GKN1: variants seen among roughly 807,000 people sequenced by gnomAD.
GKN1 encodes the protein gastrokine-1.
Under a neutral mutation model 19.7 loss-of-function variants are expected in GKN1, and 17 were observed. The ratio of observed to expected loss-of-function variants is 0.86; its 90% confidence interval spans 0.59 to 1.29. GKN1 has a LOEUF of 1.29. GKN1 is among the 50% of genes most tolerant of loss of function. GKN1 has a pLI of 0.00. For missense variants in GKN1, 218 were observed against 224.5 expected (o/e 0.97, Z 0.19); for synonymous variants, 96 against 78.3 (o/e 1.23, Z -1.20).
At chr2:68,975,488 G>C (rs1670245698) in intron 1 of GKN1, among the ~76,000 whole-genome samples, 1 of 152,066 alleles carries the variant, frequency 6.6e-6, no homozygotes, top group African/African-American at 2.4e-5. Context: ...GTAGTGCCGG[G>C]TTTCTCACAA....
intron 1 of GKN1, among the ~76,000 whole-genome samples, chr2:68,975,353 A>T (rs1670242234): frequency 6.6e-6 from 1 of 152,188 alleles, no homozygotes; most frequent in Non-Finnish European, 1.5e-5. Flanking sequence ...CTTGGGCTCT[A>T]GCATGGCCAT....
chr2:68,974,661 G>A lies in GKN1; in HGVS notation c.-17G>A, dbSNP rs777093189. ...ATGCTTGCCTACTCCTCTGTCCACT[G>A]CTTTCGTGAAGACAAGATGAAGTTC... is the stretch of plus-strand genomic sequence containing the variant. On this transcript the variant is annotated 5_prime_UTR_variant, in exon 1 of 6. Coordinates refer to ENST00000377938, the MANE Select transcript of GKN1 (RefSeq NM_019617.4). The A allele has an allele frequency of 3.6e-5, 57 of 1,605,230 alleles. 1 individual carries two copies. The highest frequency in any genetic ancestry group is 4.6e-5 in the Non-Finnish European group (54 of 1,172,050).
intron 1 of GKN1, 40 bp downstream of exon 1, chr2:68,974,729 T>A: frequency 8.3e-7 from 1 of 1,209,468 alleles, no homozygotes; most frequent in Non-Finnish European, 1.2e-6. Flanking sequence ...ACCAAATGAT[T>A]GGAGACTGTC....
rs773400726 is a variant in GKN1 at position 68,978,271 on chromosome 2, G to GGAAAGAAA, written c.204+516_204+523dup. 1.3e-3 allele frequency among the ~76,000 whole-genome samples: 115 copies of GGAAAGAAA among 87,266 alleles called. 5 individuals are homozygous for GGAAAGAAA. The highest frequency in any genetic ancestry group is 6.4e-3 in the East Asian group (15 of 2,328). The allele number at this position is 87,266 out of a possible 152,430, so 57.2% of individuals were successfully genotyped here. A position where few individuals can be genotyped will look rare whatever the true frequency, so the allele number is the denominator to read the frequency against. On this transcript the variant is annotated intron_variant, in intron 3 of 5. Transcript: ENST00000377938. ...AGGAAAGAAAGAAAGAAGGAAGGAA[G>GGAAAGAAA]GAAAGAAAGAAAGAAAGAAAGAAAG...
rs113178059 is a variant in GKN1, at chr2:68,980,856, T to C, written c.*33T>C. On this transcript the variant is annotated 3_prime_UTR_variant, in exon 6 of 6. Transcript: ENST00000377938. ...TTTAAAGCCACTATGGATTTAGTCA[T>C]CTGAATATGCTGTGCAGAAAAAATA... 4 of 1,029,770 alleles carry C rather than the reference T, an allele frequency of 3.9e-6. No individual in the cohort carries two copies. The South Asian group carries it at 5.1e-5, about 13-fold the overall frequency. The allele number at this position is 1,029,770 out of a possible 1,614,324, so 63.8% of individuals were successfully genotyped here.
rs1558715333 is a variant in GKN1 at position 68,978,302 on chromosome 2, G to GAAAGAAAGAAAGAAA, written c.204+539_204+540insGAAAAAAGAAAGAAA. 1.5e-3 allele frequency among the ~76,000 whole-genome samples: 181 copies of GAAAGAAAGAAAGAAA among 116,952 alleles called. 5 individuals carry two copies. The highest frequency in any genetic ancestry group is 4.9e-3 in the African/African-American group (113 of 23,070). The allele number at this position is 116,952 out of a possible 152,430, so 76.7% of individuals were successfully genotyped here. A position where few individuals can be genotyped will look rare whatever the true frequency, so the allele number is the denominator to read the frequency against. Reference sequence around the variant, plus strand: ...AAAGAAAGAAAGAAAGAAAGAGAGAGAAAGAAAGAAAAAGAAAAAAGAGAG... The same window carrying GAAAGAAAGAAAGAAA: ...AAAGAAAGAAAGAAAGAAAGAGAGAGAAAGAAAGAAAGAAAAAAGAAAGAAAAAGAAAAAAGAGAG... On this transcript the variant is annotated intron_variant, in intron 3 of 5. Transcript: ENST00000377938.
rs1230338882 is a variant in GKN1, at chr2:68,979,910, C to T, written c.316-3C>T. The T allele has an allele frequency of 6.2e-7, 1 of 1,612,802 alleles. No homozygotes were observed. The highest frequency in any genetic ancestry group is 1.3e-5 in the African/African-American group (1 of 75,010). On this transcript the variant is annotated splice_region_variant and splice_polypyrimidine_tract_variant and intron_variant, in intron 4 of 5. Transcript: ENST00000377938. The stretch of plus-strand genomic sequence containing the variant: ...CCTTTCTACCTCTCTTTTCCACACT[C>T]AGCTTCAGGGTAAGGGACCAGGAGG...
At chr2:68,980,160 T>A in intron 5 of GKN1, 100 bp downstream of exon 5, 1 of 999,802 alleles carries the variant, frequency 1.0e-6, no homozygotes, top group South Asian at 1.3e-5. Flanking sequence ...GCAGGGATGG[T>A]CATCAAGGCC....
chr2:68,977,838 A>G (rs1290672695), intron 3 of GKN1, 64 bp downstream of exon 3: 5 of 1,269,800 alleles, frequency 3.9e-6, no homozygotes, highest in Non-Finnish European at 5.7e-6. Context: ...TTAACAAAAA[A>G]TGTGCATGTT....
chr2:68,980,917 T>A lies in GKN1; in HGVS notation c.*94T>A. On this transcript the variant is annotated 3_prime_UTR_variant, in exon 6 of 6. Coordinates refer to ENST00000377938, the MANE Select transcript of GKN1 (RefSeq NM_019617.4). ...TGGTTTTTACCATGTCATTCTGAAATTTTTCTCTACTAGTTATGTTTGATT... is the reference window on the plus strand; with the variant it reads ...TGGTTTTTACCATGTCATTCTGAAAATTTTCTCTACTAGTTATGTTTGATT... The A allele has an allele frequency of 1.4e-6, 1 of 695,162 alleles. No individual in the cohort carries two copies. Among genetic ancestry groups the A allele is most frequent in the Non-Finnish European group, 2.6e-6 (1 of 384,782 alleles). The allele number at this position is 695,162 out of a possible 1,614,324, so 43.1% of individuals were successfully genotyped here.
At chr2:68,979,172 C>T (rs929976698) in intron 4 of GKN1, among the ~76,000 whole-genome samples, 191 bp downstream of exon 4, 4 of 152,158 alleles carry the variant, frequency 2.6e-5, no homozygotes, top group African/African-American at 9.7e-5. Flanking sequence ...TCACACCTAC[C>T]TCTACAACCG....
At chr2:68,978,275 A>AAG (rs1558715272) in intron 3 of GKN1, among the ~76,000 whole-genome samples, 9 of 93,504 alleles carry the variant, frequency 9.6e-5, no homozygotes, top group East Asian at 6.2e-4. Context: ...AAGGAAGGAA[A>AAG]GAAAGAAAGA....
intron 1 of GKN1, among the ~76,000 whole-genome samples, chr2:68,975,875 A>T (rs895956203): frequency 1.3e-5 from 2 of 152,020 alleles, no homozygotes; most frequent in African/African-American, 4.8e-5. Flanking sequence ...GAAAAATTTA[A>T]TTTTTTTTCA....
At chr2:68,978,321 AAGAG>A (rs1301276888) in intron 3 of GKN1, among the ~76,000 whole-genome samples, 2 of 151,452 alleles carry the variant, frequency 1.3e-5, no homozygotes, top group Admixed American at 6.6e-5. Context: ...AAAAAGAAAA[AAGAG>A]AGAAAGAGAG....
rs763080384 is a variant in GKN1 at position 68,978,856 on chromosome 2, C to CA, written c.205-14dup. 53 of 1,442,588 alleles carry CA rather than the reference C, an allele frequency of 3.7e-5. No homozygotes were observed. The highest frequency in any genetic ancestry group is 5.1e-5 in the Non-Finnish European group (52 of 1,027,736). 89.4% of individuals were successfully genotyped at this position (1,442,588 alleles called of 1,614,324 possible). ...GGAGAACACATGCCTCACTATTTGC[C>CA]ATCTACTTTAACAGGGCTTTGCTGC... On this transcript the variant is annotated splice_polypyrimidine_tract_variant and intron_variant, in intron 3 of 5. Transcript: ENST00000377938.
chr2:68,980,047 T>A lies in GKN1; in HGVS notation c.450T>A (p.Ala150=). 6.2e-7 allele frequency: 1 copy of A among 1,613,784 alleles called. No homozygotes were observed. The highest frequency in any genetic ancestry group is 8.5e-7 in the Non-Finnish European group (1 of 1,179,818). Residue 150 remains alanine, a synonymous_variant, in exon 5 of 6, where the codon GCT becomes GCA. Coordinates refer to ENST00000377938, the MANE Select transcript of GKN1 (RefSeq NM_019617.4). ...NMCRGIPTYM[A]EEMQEASLFF... ...GTCGTGGGATTCCAACATACATGGCTGAGGAGATGCAAGGTGAGTAGCATC... is the reference window on the plus strand; with the variant it reads ...GTCGTGGGATTCCAACATACATGGCAGAGGAGATGCAAGGTGAGTAGCATC...
Position 68,980,076 on chromosome 2 carries a change from A to G in GKN1, c.463+16A>G. The stretch of plus-strand genomic sequence containing the variant: ...GAGATGCAAGGTGAGTAGCATCCCT[A>G]CTGTGCACCCCAAGTTAGTGCTGGT... On this transcript the variant is annotated intron_variant, in intron 5 of 5. Coordinates refer to ENST00000377938, the MANE Select transcript of GKN1 (RefSeq NM_019617.4). The G allele has an allele frequency of 6.2e-7, 1 of 1,608,044 alleles. No individual in the cohort carries two copies. Among genetic ancestry groups the G allele is most frequent in the Non-Finnish European group, 8.5e-7 (1 of 1,175,132 alleles).
At chr2:68,980,119 CT>C in intron 5 of GKN1, 59 bp downstream of exon 5, 1 of 1,478,968 alleles carries the variant, frequency 6.8e-7, no homozygotes, top group African/African-American at 1.4e-5. Context: ...TCAGACTATC[CT>C]CGCGCGTGTC....
chr2:68,978,782 C>T (rs1670315951), intron 3 of GKN1, 89 bp from the exon 4 acceptor site: 4 of 682,344 alleles, frequency 5.9e-6, no homozygotes, highest in Non-Finnish European at 1.0e-5. Context: ...TCTTGGAGTT[C>T]CCATTTCTCT....
Sources: gnomAD v4.1 joint callset for allele counts (sites outside exome capture counted in the v4.1 genomes callset) on GRCh38, gnomAD v4.1.1 for gene constraint, MANE v1.5 for transcripts, NCBI Gene and HGNC (gene_info 2026-07-23, HGNC 2026-07-21) for gene names.